The following GALNT8 variants were observed in gnomAD, a reference collection of about 807,000 sequenced individuals.
GALNT8 encodes probable polypeptide N-acetylgalactosaminyltransferase 8.
Under a neutral mutation model 62.7 loss-of-function variants are expected in GALNT8, and 66 were observed. The ratio of observed to expected loss-of-function variants is 1.05; its 90% confidence interval spans 0.86 to 1.29. GALNT8 has a LOEUF of 1.29. Ranked by LOEUF, GALNT8 falls within the 50% of genes most tolerant of loss-of-function variation. GALNT8 has a pLI of 0.00. For synonymous variants in GALNT8, 288 were observed against 294.3 expected (o/e 0.98, Z 0.22); for missense variants, 771 against 791.8 (o/e 0.97, Z 0.32).
At chr12:4,728,250 T>G (rs1405824890) in intron 2 of GALNT8, among the ~76,000 whole-genome samples, 1 of 151,992 alleles carries the variant, frequency 6.6e-6, no homozygotes, top group Non-Finnish European at 1.5e-5. Context: ...GAGTACTTTA[T>G]ATATCCTAGA....
At chr12:4,740,184 C>T (rs980883405) in intron 3 of GALNT8, among the ~76,000 whole-genome samples, 1 of 152,168 alleles carries the variant, frequency 6.6e-6, no homozygotes, top group African/African-American at 2.4e-5. Context: ...GAGTCTAGCC[C>T]ACCCAAGGAA....
intron 1 of GALNT8, among the ~76,000 whole-genome samples, chr12:4,721,905 C>T (rs993986959): frequency 4.0e-5 from 6 of 149,186 alleles, no homozygotes; most frequent in South Asian, 4.3e-4. Flanking sequence ...TGTGGCCTTC[C>T]GCAGTGTTTT....
In GALNT8 at chr12:4,726,441, G is replaced by A. The variant is rs150176513; in HGVS notation, c.212-91G>A. ...AGTTTTAAGATGTAGTGGGTAAACCGTTAGAGGAAATTAGGATGGAAAGGA... is the reference window on the plus strand; with the variant it reads ...AGTTTTAAGATGTAGTGGGTAAACCATTAGAGGAAATTAGGATGGAAAGGA... On this transcript the variant is annotated intron_variant, in intron 1 of 10. Transcript: ENST00000252318. This position sits in a 1 kb window ranked among gnomAD's most constrained non-coding sequence, Gnocchi z 4.1. 8.2e-4 allele frequency: 716 copies of A among 870,818 alleles called. 3 individuals carry two copies. The African/African-American group carries it at 9.2e-3, about 11-fold the overall frequency. The allele number at this position is 870,818 out of a possible 1,614,324, so 53.9% of individuals were successfully genotyped here. A position where few individuals can be genotyped will look rare whatever the true frequency, so the allele number is the denominator to read the frequency against.
chr12:4,760,982 G>C lies in GALNT8; in HGVS notation c.1198G>C (p.Glu400Gln). ...LRVWQCGGKVEILPCSRIAHL... is the reference protein window; with the variant it reads ...LRVWQCGGKVQILPCSRIAHL... ...GGTGTGGCAGTGTGGAGGGAAGGTC[G>C]AGATTTTGCCCTGTTCCCGGATTGC... The change falls in exon 7 of 11, where the codon GAG becomes CAG. Residue 400 changes from glutamate (E) to glutamine (Q), a missense_variant. Coordinates refer to ENST00000252318, the MANE Select transcript of GALNT8 (RefSeq NM_017417.2). 6.2e-7 allele frequency: 1 copy of C among 1,613,988 alleles called. No homozygotes were observed. Among genetic ancestry groups the C allele is most frequent in the African/African-American group, 1.3e-5 (1 of 74,994 alleles).
At chr12:4,772,079 G>T (rs1236952500) in intron 10 of GALNT8, among the ~76,000 whole-genome samples, 1 of 152,182 alleles carries the variant, frequency 6.6e-6, no homozygotes, top group Non-Finnish European at 1.5e-5. Context: ...ACCCTGATGG[G>T]TCTCATGGGG....
Position 4,745,409 on chromosome 12 carries a change from T to C in GALNT8, c.861-20T>C, listed in dbSNP as rs1946292997. ...TTGTCCTCATATCCAAGCTGGGCTT[T>C]CTGCACACTCTTGTTCTAGGGCAGA... On this transcript the variant is annotated intron_variant, in intron 4 of 10. Transcript: ENST00000252318. 1.3e-6 allele frequency: 2 copies of C among 1,555,366 alleles called. No homozygotes were observed. The highest frequency in any genetic ancestry group is 1.8e-6 in the Non-Finnish European group (2 of 1,126,746).
In GALNT8 at chr12:4,772,663, T is replaced by A; in HGVS notation, c.*66T>A. 1 of 1,221,854 alleles carries A rather than the reference T, an allele frequency of 8.2e-7. No homozygotes were observed. The allele number at this position is 1,221,854 out of a possible 1,614,324, so 75.7% of individuals were successfully genotyped here. On this transcript the variant is annotated 3_prime_UTR_variant, in exon 11 of 11. Transcript: ENST00000252318. ...GTGGAATGGCTTCTACTCCTAACAC[T>A]CCCAGCTTCTTTCTCAATGAGAAAG...
intron 6 of GALNT8, among the ~76,000 whole-genome samples, chr12:4,754,990 C>T (rs1946338229): frequency 6.6e-6 from 1 of 152,206 alleles, no homozygotes; most frequent in Admixed American, 6.5e-5. Flanking sequence ...GTCCTCCTCA[C>T]TTCTCCCTCT....
Position 4,739,341 on chromosome 12 carries a change from G to A in GALNT8, c.676+12G>A, listed in dbSNP as rs1946260614. On this transcript the variant is annotated intron_variant, in intron 3 of 10. Transcript: ENST00000252318. ...TTTCAGCTCAAATGGTGAGCAACGTGATCAAAGAATAATTGTAAAAATGAC... is the reference window on the plus strand; with the variant it reads ...TTTCAGCTCAAATGGTGAGCAACGTAATCAAAGAATAATTGTAAAAATGAC... The A allele has an allele frequency of 3.1e-6, 5 of 1,606,966 alleles. No individual in the cohort carries two copies. Among genetic ancestry groups the A allele is most frequent in the Non-Finnish European group, 4.3e-6 (5 of 1,175,192 alleles).
At chr12:4,740,565 A>G (rs141103796) in intron 3 of GALNT8, among the ~76,000 whole-genome samples, 71 of 152,054 alleles carry the variant, frequency 4.7e-4, no homozygotes, top group Non-Finnish European at 7.8e-4. Context: ...CTGGGATTAT[A>G]GGAGTATGCC....
intron 1 of GALNT8, among the ~76,000 whole-genome samples, chr12:4,724,319 C>T (rs554280475): frequency 6.6e-5 from 10 of 152,228 alleles, no homozygotes; most frequent in African/African-American, 2.4e-4. Context: ...ATAAAAGCCC[C>T]ACTAGGGGAA....
At chr12:4,770,983 G>A (rs960197157) in intron 10 of GALNT8, among the ~76,000 whole-genome samples, 6 of 152,234 alleles carry the variant, frequency 3.9e-5, no homozygotes, top group Non-Finnish European at 8.8e-5. Context: ...GGGAACAGAG[G>A]GGGGCTGCTG....
At chr12:4,736,941 A>G (rs1946248045) in intron 2 of GALNT8, among the ~76,000 whole-genome samples, 1 of 152,208 alleles carries the variant, frequency 6.6e-6, no homozygotes, top group Non-Finnish European at 1.5e-5. Context: ...TCAAAGCACT[A>G]AAGTTAGCCA....
chr12:4,770,981 AG>A (rs1208131243), intron 10 of GALNT8, among the ~76,000 whole-genome samples: 1 of 152,064 alleles, frequency 6.6e-6, no homozygotes, highest in Admixed American at 6.5e-5. Context: ...CAGGGAACAG[AG>A]GGGGGCTGCT....
At chr12:4,746,390 G>C (rs1182783742) in intron 6 of GALNT8, 132 bp downstream of exon 6, 2 of 645,678 alleles carry the variant, frequency 3.1e-6, no homozygotes, top group Non-Finnish European at 5.6e-6. Context: ...TATGTTTCTA[G>C]GCAACTGGGC....
At chr12:4,764,244 C>A (rs1180595776) in intron 9 of GALNT8, among the ~76,000 whole-genome samples, 197 bp downstream of exon 9, 1 of 152,182 alleles carries the variant, frequency 6.6e-6, no homozygotes, top group East Asian at 1.9e-4. Context: ...CAACGTAGTT[C>A]CATTTCAGTT....
chr12:4,753,681 C>T (rs1946331819), intron 6 of GALNT8, among the ~76,000 whole-genome samples: 8 of 152,166 alleles, frequency 5.3e-5, no homozygotes, highest in Admixed American at 5.2e-4. Flanking sequence ...TCCCTTCATT[C>T]ATTTGGTGAG....
chr12:4,741,118 G>T (rs935683518), intron 3 of GALNT8, among the ~76,000 whole-genome samples: 2 of 152,192 alleles, frequency 1.3e-5, no homozygotes, highest in African/African-American at 4.8e-5. Flanking sequence ...GGCAGAATAT[G>T]TTCCTTCTCT....
At chr12:4,766,823 A>G (rs1053454505) in intron 10 of GALNT8, among the ~76,000 whole-genome samples, 1 of 151,952 alleles carries the variant, frequency 6.6e-6, no homozygotes, top group African/African-American at 2.4e-5. Context: ...TAACTTTTCA[A>G]AGTTAATGAC....
Sources: gnomAD v4.1 joint callset for allele counts (sites outside exome capture counted in the v4.1 genomes callset) on GRCh38, gnomAD v4.1.1 for gene constraint, Gnocchi (gnomAD v3.1) non-coding constraint, MANE v1.5 for transcripts, NCBI Gene and HGNC (gene_info 2026-07-23, HGNC 2026-07-21) for gene names.